The following ZNF676 variants were observed in gnomAD, a reference collection of about 807,000 sequenced individuals.
ZNF676 encodes zinc finger protein 676.
ZNF676 carries 4 observed loss-of-function variants against 6.0 expected under a neutral mutation model. The observed-to-expected ratio is 0.67, with a 90% confidence interval of 0.33 to 1.53. ZNF676 has a LOEUF of 1.53. ZNF676 is among the 40% of genes most tolerant of loss of function. The pLI is 0.06. For missense variants in ZNF676, 644 were observed against 679.7 expected, an observed-to-expected ratio of 0.95 and a Z score of 0.58; for synonymous variants, 198 against 223.1, an observed-to-expected ratio of 0.89 and a Z score of 1.00.
the ZNF676 span, among the ~76,000 whole-genome samples, chr19:22,259,193 G>A: frequency 6.6e-6 from 1 of 152,140 alleles, no homozygotes; most frequent in Non-Finnish European, 1.5e-5. Flanking sequence ...GCCTCTTTGG[G>A]GAGGGCTCAG....
the ZNF676 span, among the ~76,000 whole-genome samples, chr19:22,247,361 C>T: frequency 2.0e-5 from 3 of 151,062 alleles, no homozygotes; most frequent in South Asian, 2.1e-4. Context: ...GTCAGAAGTT[C>T]GAGACCAGCC....
At chr19:22,222,023 C>T in the ZNF676 span, among the ~76,000 whole-genome samples, 1 of 151,404 alleles carries the variant, frequency 6.6e-6, no homozygotes, top group Non-Finnish European at 1.5e-5. Flanking sequence ...TTGTCTCTCT[C>T]ATTGCATTTC....
rs536217671 is a variant in ZNF676 at position 22,182,847 on chromosome 19, CA to C, written c.131-1262del. Among the ~76,000 whole-genome samples the C allele has an allele frequency of 4.3e-3, 655 of 151,912 alleles. 2 individuals carry two copies. Among genetic ancestry groups the C allele is most frequent in the Non-Finnish European group, 6.4e-3 (433 of 67,952 alleles). On this transcript the variant is annotated intron_variant, in intron 2 of 2. Coordinates refer to ENST00000397121, the MANE Select transcript of ZNF676 (RefSeq NM_001001411.3). ...ATTTTCTAGGAAAGATATGCACACA[CA>C]AAAAAATTGAATTTCTAGCATTATT... is the stretch of plus-strand genomic sequence containing the variant.
chr19:22,200,115 G>A (rs1159133437), upstream of ZNF676, among the ~76,000 whole-genome samples: 1 of 152,006 alleles, frequency 6.6e-6, no homozygotes. Flanking sequence ...GGGGGGTATT[G>A]TAAGTTCTTT....
chr19:22,220,867 A>G, the ZNF676 span, among the ~76,000 whole-genome samples: 13 of 152,258 alleles, frequency 8.5e-5, no homozygotes, highest in African/African-American at 2.9e-4. Flanking sequence ...GAATTTATCA[A>G]ACTCCTCTAG....
chr19:22,203,752 A>G (rs1477038492), intron 1 of ZNF676: 2 of 152,008 alleles, frequency 1.3e-5, no homozygotes, highest in Non-Finnish European at 2.9e-5. Context: ...ACACCACCAC[A>G]CCTGGCTAAT....
At chr19:22,201,420 C>T (rs1487270898), upstream of ZNF676, among the ~76,000 whole-genome samples, 7 of 152,248 alleles carry the variant, frequency 4.6e-5, no homozygotes, top group Admixed American at 4.6e-4. Context: ...AATTCTCAAT[C>T]CAAAGTCTGG....
chr19:22,236,589 C>A, the ZNF676 span, among the ~76,000 whole-genome samples: 2 of 152,142 alleles, frequency 1.3e-5, no homozygotes, highest in African/African-American at 4.8e-5. Context: ...GTGTAGTGGG[C>A]TCGTTCCTCA....
chr19:22,180,090 T>G lies in ZNF676; in HGVS notation c.1627A>C (p.Ser543Arg), dbSNP rs956826116. 4.3e-6 allele frequency: 7 copies of G among 1,613,872 alleles called. No individual in the cohort carries two copies. Reference protein sequence around the residue: ...YKCEECGKAFSRSSSLTRHKR... With the variant: ...YKCEECGKAFRRSSSLTRHKR... ...TGTCTAGTAAGGCTTGAGGATCTGC[T>G]GAAGGCTTTGCCACATTCTTCACAT... Residue 543 changes from serine to arginine, a missense_variant, in exon 3 of 3, where the codon AGC (serine) becomes CGC (arginine). Ser to Arg is a moderately radical substitution (Grantham distance 110). Coordinates refer to ENST00000397121, the MANE Select transcript of ZNF676 (RefSeq NM_001001411.3).
chr19:22,257,669 G>A, the ZNF676 span, among the ~76,000 whole-genome samples: 2 of 152,202 alleles, frequency 1.3e-5, no homozygotes, highest in Non-Finnish European at 2.9e-5. Flanking sequence ...TAACCTAGGT[G>A]CTGGGCCCAG....
At chr19:22,215,010 C>G (rs2024168119) in intron 1 of ZNF676, among the ~76,000 whole-genome samples, 1 of 139,598 alleles carries the variant, frequency 7.2e-6, no homozygotes, top group Non-Finnish European at 1.5e-5. Flanking sequence ...TACTGCACTC[C>G]AGCCTGGGCG....
chr19:22,225,170 A>T, the ZNF676 span, among the ~76,000 whole-genome samples: 1 of 152,104 alleles, frequency 6.6e-6, no homozygotes, highest in Non-Finnish European at 1.5e-5. Flanking sequence ...TGTTTTTATG[A>T]GTTTGGCTAT....
chr19:22,242,236 T>C, the ZNF676 span, among the ~76,000 whole-genome samples: 4 of 151,876 alleles, frequency 2.6e-5, no homozygotes, highest in Non-Finnish European at 5.9e-5. Flanking sequence ...ACATGAGTGC[T>C]GGGAAAGGGT....
chr19:22,219,776 C>T (rs2024229349), upstream of ZNF676, among the ~76,000 whole-genome samples: 1 of 152,078 alleles, frequency 6.6e-6, no homozygotes. Flanking sequence ...CCGCCTCAGC[C>T]TCCCCAGTAG....
At position 22,202,516 on chromosome 19, in the gene ZNF676, T is replaced by C. The variant is rs566026825; in HGVS notation, c.4-5790A>G. ...TGGTACCCTATGTGTTTATATTATG[T>C]CTGGTAATTCTAGACAAGGTTTGGA... On this transcript the variant is annotated intron_variant, in intron 1 of 3. Transcript: ENST00000650058. Among the ~76,000 whole-genome samples the C allele has an allele frequency of 2.4e-4, 36 of 152,302 alleles. 1 individual carries two copies. In the Middle Eastern group the frequency reaches 0.031, roughly 130 times the overall value.
the ZNF676 span, among the ~76,000 whole-genome samples, chr19:22,245,641 T>C: frequency 6.6e-6 from 1 of 152,046 alleles, no homozygotes; most frequent in South Asian, 2.1e-4. Context: ...ACCTAGGTGC[T>C]AGGTTCGGTG....
chr19:22,215,995 C>G (rs758329537), upstream of ZNF676, among the ~76,000 whole-genome samples: 1 of 152,208 alleles, frequency 6.6e-6, no homozygotes, highest in African/African-American at 2.4e-5. Context: ...AGGCCTACCC[C>G]AGAGCATGGG....
the ZNF676 span, among the ~76,000 whole-genome samples, chr19:22,255,253 G>A: frequency 6.6e-6 from 1 of 152,082 alleles, no homozygotes; most frequent in African/African-American, 2.4e-5. Context: ...TGGGTGTGAG[G>A]TTCAGAACCT....
At chr19:22,192,064 TCTCTATAAAAAA>T (rs1316277555) in intron 2 of ZNF676, among the ~76,000 whole-genome samples, 1 of 152,156 alleles carries the variant, frequency 6.6e-6, no homozygotes, top group Non-Finnish European at 1.5e-5. Flanking sequence ...CATGCAATGT[TCTCTATAAAAAA>T]CCATAAACAG....
Sources: gnomAD v4.1 joint callset for allele counts (sites outside exome capture counted in the v4.1 genomes callset) on GRCh38, gnomAD v4.1.1 for gene constraint, MANE v1.5 for transcripts, NCBI Gene and HGNC (gene_info 2026-07-23, HGNC 2026-07-21) for gene names.